EXOC4: variants seen among roughly 807,000 people sequenced by gnomAD.
The protein encoded by EXOC4 is SEC8-like 1.
A neutral mutation model predicts 107.2 loss-of-function variants in EXOC4; 71 were observed. The observed-to-expected ratio is 0.66, with a 90% confidence interval of 0.55 to 0.81. The LOEUF is 0.81. EXOC4 is among the 30% of genes least tolerant of loss of function. The probability of loss-of-function intolerance (pLI) is 0.00; values close to 1 mark genes in which losing one functional copy is unlikely to be tolerated. For synonymous variants in EXOC4, 456 were observed against 441.2 expected (o/e 1.03, Z -0.42); for missense variants, 1,108 against 1,189.6 (o/e 0.93, Z 1.01).
At chr7:133,326,317 T>C (rs922529812) in intron 5 of EXOC4, among the ~76,000 whole-genome samples, 3 of 147,320 alleles carry the variant, frequency 2.0e-5, no homozygotes, top group African/African-American at 7.3e-5. Context: ...TTCTGCTCTG[T>C]TTTTTCCCCA....
chr7:133,993,972 T>C (rs1274358328), intron 14 of EXOC4, among the ~76,000 whole-genome samples: 1 of 151,954 alleles, frequency 6.6e-6, no homozygotes, highest in Non-Finnish European at 1.5e-5. Flanking sequence ...TGTAATGGAG[T>C]GAGCAAGGGA....
chr7:133,845,968 C>T (rs1454767224), intron 11 of EXOC4, among the ~76,000 whole-genome samples: 7 of 152,046 alleles, frequency 4.6e-5, no homozygotes, highest in Non-Finnish European at 8.8e-5. Context: ...TATAATAAAA[C>T]AATAGACTTT....
chr7:133,936,851 G>A (rs1409928605), intron 13 of EXOC4, among the ~76,000 whole-genome samples: 1 of 152,062 alleles, frequency 6.6e-6, no homozygotes, highest in Non-Finnish European at 1.5e-5. Flanking sequence ...GTAGAGACGG[G>A]GTTTCACTGT....
At chr7:133,763,863 A>G (rs1224736331) in intron 10 of EXOC4, among the ~76,000 whole-genome samples, 1 of 152,068 alleles carries the variant, frequency 6.6e-6, no homozygotes. Context: ...TTTACTGGAC[A>G]TTTCTGCTTT....
chr7:133,361,200 G>T (rs762196830), intron 6 of EXOC4, among the ~76,000 whole-genome samples: 1 of 152,222 alleles, frequency 6.6e-6, no homozygotes, highest in Non-Finnish European at 1.5e-5. Context: ...GTTACTCAAA[G>T]AACGCTAAGA....
chr7:133,363,179 A>G (rs1796171297), intron 6 of EXOC4, among the ~76,000 whole-genome samples: 1 of 152,192 alleles, frequency 6.6e-6, no homozygotes, highest in Admixed American at 6.5e-5. Flanking sequence ...TTTAATATTG[A>G]AGGGGATGAA....
At chr7:133,424,302 A>G (rs1398890454) in intron 7 of EXOC4, among the ~76,000 whole-genome samples, 1 of 151,888 alleles carries the variant, frequency 6.6e-6, no homozygotes, top group South Asian at 2.1e-4. Context: ...GTGCACCTTC[A>G]CTCCTGAGGC....
chr7:133,906,257 T>C (rs1799563691), intron 12 of EXOC4, among the ~76,000 whole-genome samples: 1 of 152,186 alleles, frequency 6.6e-6, no homozygotes, highest in Admixed American at 6.5e-5. Context: ...AATGAGACTC[T>C]CCTTGAGCTG....
intron 7 of EXOC4, among the ~76,000 whole-genome samples, chr7:133,438,018 A>G (rs1798014841): frequency 2.0e-5 from 3 of 152,186 alleles, no homozygotes; most frequent in Admixed American, 2.0e-4. Flanking sequence ...TTTAAGTAGC[A>G]TGAATTAATT....
chr7:134,013,482 G>A (rs1367432909), intron 17 of EXOC4, among the ~76,000 whole-genome samples: 1 of 152,032 alleles, frequency 6.6e-6, no homozygotes, highest in Non-Finnish European at 1.5e-5. Flanking sequence ...TGGGGTCCTG[G>A]AACAAAAATA....
intron 10 of EXOC4, among the ~76,000 whole-genome samples, chr7:133,724,042 G>A (rs1244167868): frequency 6.6e-6 from 1 of 152,156 alleles, no homozygotes; most frequent in African/African-American, 2.4e-5. Context: ...GCATTTGCTA[G>A]TCAGGCCAGT....
In EXOC4 at chr7:133,661,532, G is replaced by T. The variant is rs573290055; in HGVS notation, c.1514+31391G>T. On this transcript the variant is annotated intron_variant, in intron 10 of 17. Coordinates refer to ENST00000253861, the MANE Select transcript of EXOC4 (RefSeq NM_021807.4). ...ATATCATATTAACTGCTTATCGTTAGGGGCTGTATATTTGTAAAATAAAAG... is the reference window on the plus strand; with the variant it reads ...ATATCATATTAACTGCTTATCGTTATGGGCTGTATATTTGTAAAATAAAAG... Among the ~76,000 whole-genome samples, 152 of 152,044 alleles carry T rather than the reference G, an allele frequency of 1.0e-3. 1 individual carries two copies. In the Middle Eastern group the frequency reaches 0.01, roughly 10 times the overall value.
intron 7 of EXOC4, among the ~76,000 whole-genome samples, chr7:133,429,896 G>A (rs907763489): frequency 6.6e-6 from 1 of 152,216 alleles, no homozygotes; most frequent in South Asian, 2.1e-4. Flanking sequence ...CACACCTCTT[G>A]TGGAATGGGG....
chr7:133,306,142 G>T, intron 4 of EXOC4, 81 bp downstream of exon 4: 3 of 1,235,218 alleles, frequency 2.4e-6, no homozygotes, highest in Middle Eastern at 4.0e-4. Flanking sequence ...GAATGTTGTT[G>T]TAATTTATTT....
rs73442627 is a variant in EXOC4, at chr7:133,998,525, C to T, written c.2348+892C>T. 3.3e-3 allele frequency among the ~76,000 whole-genome samples: 495 copies of T among 152,176 alleles called. 5 individuals are homozygous for T. Among genetic ancestry groups the T allele is most frequent in the African/African-American group, 0.011 (471 of 41,534 alleles). On this transcript the variant is annotated intron_variant, in intron 15 of 17. Coordinates refer to ENST00000253861, the MANE Select transcript of EXOC4 (RefSeq NM_021807.4). ...GGTCCTGAGACAAAATCAAGCTTGG[C>T]GGTTTTAAGAGCAGAGAGGAGGCTG... is the stretch of plus-strand genomic sequence containing the variant.
intron 13 of EXOC4, among the ~76,000 whole-genome samples, chr7:133,933,316 A>C (rs1800223814): frequency 6.6e-6 from 1 of 152,156 alleles, no homozygotes; most frequent in Non-Finnish European, 1.5e-5. Context: ...CAGGTTTAAC[A>C]TTCTTCTTTA....
chr7:133,499,111 GAAA>G (rs5887634), intron 9 of EXOC4, among the ~76,000 whole-genome samples: 2 of 141,096 alleles, frequency 1.4e-5, no homozygotes. Flanking sequence ...GGAGCTTTTT[GAAA>G]AAAAAAAAAA....
chr7:133,339,120 G>A (rs529082228), intron 5 of EXOC4, among the ~76,000 whole-genome samples: 10 of 152,250 alleles, frequency 6.6e-5, no homozygotes, highest in Admixed American at 3.3e-4. Flanking sequence ...AACATATGAT[G>A]TTTGGTTTTC....
chr7:133,603,834 GA>G (rs1478204096), intron 9 of EXOC4, among the ~76,000 whole-genome samples: 3 of 152,010 alleles, frequency 2.0e-5, no homozygotes, highest in Non-Finnish European at 4.4e-5. Flanking sequence ...TTAATTTATA[GA>G]AAATAATTTA....
Sources: allele counts gnomAD v4.1 joint callset (sites outside exome capture counted in the v4.1 genomes callset), GRCh38; gene constraint gnomAD v4.1.1; transcripts MANE v1.5; gene names NCBI Gene and HGNC (gene_info 2026-07-23, HGNC 2026-07-21).